Variants in ERGIC1 observed in about 807,000 individuals in gnomAD.
ERGIC1 encodes endoplasmic reticulum-golgi intermediate compartment 1.
Under a neutral mutation model 38.3 loss-of-function variants are expected in ERGIC1, and 19 were observed. That is an observed-to-expected ratio of 0.50 (90% CI 0.35 to 0.73). ERGIC1 has a LOEUF of 0.73. Ranked by LOEUF, ERGIC1 falls within the 30% of genes least tolerant of loss-of-function variation. The pLI, the probability that ERGIC1 is intolerant of heterozygous loss-of-function variation, is 0.01. For synonymous variants in ERGIC1, 124 were observed against 157.6 expected (o/e 0.79, Z 1.60); for missense variants, 294 against 389.2 (o/e 0.76, Z 2.06).
At chr5:172,883,707 C>T (rs1229442247) in intron 1 of ERGIC1, among the ~76,000 whole-genome samples, 2 of 152,196 alleles carry the variant, frequency 1.3e-5, no homozygotes. Flanking sequence ...CTGGGCCAGG[C>T]ACAGTGGCTC....
intron 9 of ERGIC1, among the ~76,000 whole-genome samples, chr5:172,949,656 G>C (rs59269996): frequency 0.018 from 624 of 34,286 alleles, 2 homozygotes; most frequent in African/African-American, 0.052. Flanking sequence ...ACAGCGTGGC[G>C]GGGGGGGGTA....
chr5:172,921,423 G>A (rs1018056382), intron 5 of ERGIC1: 1 of 152,252 alleles, frequency 6.6e-6, no homozygotes, highest in Non-Finnish European at 1.5e-5. Flanking sequence ...TGAGGCCGAG[G>A]CTACAGGCTG....
chr5:172,937,401 C>G (rs1281119103), intron 9 of ERGIC1: 1 of 152,222 alleles, frequency 6.6e-6, no homozygotes, highest in Non-Finnish European at 1.5e-5. Context: ...CGTGGTAGCT[C>G]ACACCTGTAA....
At position 172,834,555 on chromosome 5, in the gene ERGIC1, G is replaced by A. The variant is rs2113492688; in HGVS notation, c.20+122G>A. The A allele has an allele frequency of 4.0e-6, 4 of 1,005,378 alleles. No homozygotes were observed. Among genetic ancestry groups the A allele is most frequent in the Non-Finnish European group, 3.8e-6 (3 of 792,664 alleles). 62.3% of individuals were successfully genotyped at this position (1,005,378 alleles called of 1,614,324 possible). A position where few individuals can be genotyped will look rare whatever the true frequency, so the allele number is the denominator to read the frequency against. On this transcript the variant is annotated intron_variant, in intron 1 of 9. Coordinates refer to ENST00000393784, the MANE Select transcript of ERGIC1 (RefSeq NM_001031711.3). The surrounding 1 kb of genome is among the most constrained non-coding windows in gnomAD (Gnocchi z 4.1). ...GGCTCCCCGCCCTGTGCATGCCTCC[G>A]CAGGCCCCTAGGGACCCCAGGCGAG...
chr5:172,926,900 T>C lies in ERGIC1; in HGVS notation c.541+331T>C. On this transcript the variant is annotated intron_variant, in intron 7 of 9. Transcript: ENST00000393784. The surrounding 1 kb of genome is among the most constrained non-coding windows in gnomAD (Gnocchi z 5.2). ...AATTACCTAAGATCCCACAGGGAGCTATGGCAGAACCAGGATCTGTTCTGC... is the reference window on the plus strand; with the variant it reads ...AATTACCTAAGATCCCACAGGGAGCCATGGCAGAACCAGGATCTGTTCTGC... The C allele has an allele frequency of 3.3e-6, 1 of 303,876 alleles. No homozygotes were observed. The highest frequency in any genetic ancestry group is 6.4e-6 in the Non-Finnish European group (1 of 157,052). 18.8% of individuals were successfully genotyped at this position (303,876 alleles called of 1,614,324 possible). A position where few individuals can be genotyped will look rare whatever the true frequency, so the allele number is the denominator to read the frequency against.
Position 172,843,285 on chromosome 5 carries a change from G to A in ERGIC1, c.20+8852G>A, listed in dbSNP as rs79532095. On this transcript the variant is annotated intron_variant, in intron 1 of 9. Coordinates refer to ENST00000393784, the MANE Select transcript of ERGIC1 (RefSeq NM_001031711.3). ...CATTCTGTAGTTGCGTTTTCACTCC[G>A]TTAATGTTTTCTTTATTCAGTTTTA... 9.1e-3 allele frequency among the ~76,000 whole-genome samples: 1,391 copies of A among 152,256 alleles called. 12 individuals carry two copies. The highest frequency in any genetic ancestry group is 0.014 in the Non-Finnish European group (969 of 68,026).
intron 5 of ERGIC1, chr5:172,916,849 G>A (rs1287510263): frequency 6.6e-6 from 1 of 152,194 alleles, no homozygotes; most frequent in East Asian, 1.9e-4. Context: ...GCCGGGCGTG[G>A]TTGCGGGCAC....
rs966550947 is a variant in ERGIC1 at position 172,839,198 on chromosome 5, G to A, written c.20+4765G>A. ...GGAGGTTGCAGTGAACTGAGATCTT[G>A]CCACTGTACTCCAGCCTGGCCAACA... On this transcript the variant is annotated intron_variant, in intron 1 of 9. Transcript: ENST00000393784. Among the ~76,000 whole-genome samples, 7 of 144,382 alleles carry A rather than the reference G, an allele frequency of 4.8e-5. No homozygotes were observed. The Admixed American group carries it at 5.1e-4, about 10-fold the overall frequency. 94.7% of individuals were successfully genotyped at this position (144,382 alleles called of 152,430 possible). A position where few individuals can be genotyped will look rare whatever the true frequency, so the allele number is the denominator to read the frequency against.
At chr5:172,947,973 G>A (rs188841451) in intron 9 of ERGIC1, among the ~76,000 whole-genome samples, 76 of 151,394 alleles carry the variant, frequency 5.0e-4, no homozygotes, top group Admixed American at 1.6e-3. Flanking sequence ...TCTGATCCAA[G>A]CTCTAAAAGC....
intron 9 of ERGIC1, among the ~76,000 whole-genome samples, chr5:172,942,306 C>A (rs1472653091): frequency 6.6e-6 from 1 of 152,178 alleles, no homozygotes; most frequent in Non-Finnish European, 1.5e-5. Context: ...CATCTTGGCC[C>A]TGGGGTGGCA....
chr5:172,910,388 G>A (rs1490294019), intron 4 of ERGIC1, among the ~76,000 whole-genome samples: 1 of 152,220 alleles, frequency 6.6e-6, no homozygotes, highest in African/African-American at 2.4e-5. Context: ...GACACCTAGA[G>A]AAGCTGGAGC....
At chr5:172,883,488 G>A (rs1210094897) in intron 1 of ERGIC1, among the ~76,000 whole-genome samples, 1 of 152,114 alleles carries the variant, frequency 6.6e-6, no homozygotes, top group Non-Finnish European at 1.5e-5. Context: ...GCCAGTTTTT[G>A]TTTTGTTTTG....
At chr5:172,936,594 T>C (rs2113475087) in intron 9 of ERGIC1, 1 of 152,334 alleles carries the variant, frequency 6.6e-6, no homozygotes, top group East Asian at 1.9e-4. Context: ...TGACAGGGTC[T>C]CTGCCTTCTC....
intron 5 of ERGIC1, among the ~76,000 whole-genome samples, chr5:172,919,826 G>T (rs942509464): frequency 5.3e-5 from 8 of 152,204 alleles, no homozygotes; most frequent in Non-Finnish European, 8.8e-5. Context: ...TCCAAGAAAT[G>T]GGCCTTCTCT....
Position 172,932,442 on chromosome 5 carries a change from C to G in ERGIC1, c.548C>G (p.Ala183Gly). Residue 183 changes from alanine (A) to glycine (G), a missense_variant, in exon 8 of 10, where the codon GCC becomes GGC. This residue lies in a region of ERGIC1 where 109 missense variants were observed against 112.7 expected (regional missense o/e 0.97). Coordinates refer to ENST00000393784, the MANE Select transcript of ERGIC1 (RefSeq NM_001031711.3). The stretch of plus-strand genomic sequence containing the variant: ...TGCTGTGTCCTTCCCGCAGCCCTGG[C>G]CTCCCACGACTACATCCTGAAGATT... Reference protein sequence around the residue: ...GADRLTSNPLASHDYILKIVP... With the variant: ...GADRLTSNPLGSHDYILKIVP... 6.2e-7 allele frequency: 1 copy of G among 1,614,146 alleles called. No homozygotes were observed.
rs1444491333 is a variant in ERGIC1, at chr5:172,923,761, C to A, written c.376-244C>A. Reference sequence around the variant, plus strand: ...CCCAGATGGGCACTTCACATGCACCCTCTCACCAGATAGTCCTGGCAGCCC... The same window carrying A: ...CCCAGATGGGCACTTCACATGCACCATCTCACCAGATAGTCCTGGCAGCCC... On this transcript the variant is annotated intron_variant, in intron 5 of 9. Coordinates refer to ENST00000393784, the MANE Select transcript of ERGIC1 (RefSeq NM_001031711.3). Among the ~76,000 whole-genome samples the A allele has an allele frequency of 9.2e-5, 14 of 152,338 alleles. No homozygotes were observed. The East Asian group carries it at 2.5e-3, about 27-fold the overall frequency.
chr5:172,899,758 G>A (rs73325187), intron 3 of ERGIC1, among the ~76,000 whole-genome samples: 3,173 of 152,224 alleles, frequency 0.021, 108 homozygotes, highest in African/African-American at 0.072. Context: ...AGACTGTATC[G>A]ATCAGGGGCA....
intron 9 of ERGIC1, among the ~76,000 whole-genome samples, chr5:172,941,414 G>C (rs1764010100): frequency 6.6e-6 from 1 of 152,096 alleles, no homozygotes; most frequent in South Asian, 2.1e-4. Context: ...TTTTGTTCCT[G>C]TTTTATAAAT....
chr5:172,917,735 C>T (rs1446166122), intron 5 of ERGIC1: 3 of 152,258 alleles, frequency 2.0e-5, no homozygotes, highest in South Asian at 2.1e-4. Context: ...TTTCCATCTG[C>T]GATGAATGTA....
Sources: gnomAD v4.1 joint callset for allele counts (sites outside exome capture counted in the v4.1 genomes callset) on GRCh38, gnomAD v4.1.1 for gene constraint, gnomAD v4.1.1 regional missense constraint, Gnocchi (gnomAD v3.1) non-coding constraint, MANE v1.5 for transcripts, NCBI Gene and HGNC (gene_info 2026-07-23, HGNC 2026-07-21) for gene names.